Variants in VEGFC observed in about 807,000 individuals in gnomAD.
VEGFC encodes the protein vascular endothelial growth factor C.
VEGFC carries 12 observed loss-of-function variants against 46.1 expected under a neutral mutation model. The ratio of observed to expected loss-of-function variants is 0.26; its 90% CI spans 0.17 to 0.42. The LOEUF (loss-of-function observed/expected upper bound fraction) is 0.42. Ranked by LOEUF, VEGFC falls within the 10% of genes least tolerant of loss-of-function variation. VEGFC has a pLI of 1.00. For missense variants in VEGFC, 488 were observed against 529.4 expected, an observed-to-expected ratio of 0.92 and a Z score of 0.77; for synonymous variants, 232 against 195.5, an observed-to-expected ratio of 1.19 and a Z score of -1.56.
In VEGFC at chr4:176,731,690, A is replaced by G. The variant is rs190190398; in HGVS notation, c.148-1944T>C. On this transcript the variant is annotated intron_variant, in intron 1 of 6. Transcript: ENST00000618562. ...GTTGTGACCTAAACTGATCACATCT[A>G]TTTCCAGAACAGGTCTGCATGTTCA... Among the ~76,000 whole-genome samples the G allele has an allele frequency of 1.6e-4, 24 of 152,042 alleles. No homozygotes were observed. In the East Asian group the frequency reaches 4.5e-3, roughly 28 times the overall value.
intron 1 of VEGFC, among the ~76,000 whole-genome samples, chr4:176,731,368 G>A (rs545000975): frequency 1.3e-5 from 2 of 152,008 alleles, no homozygotes; most frequent in South Asian, 4.1e-4. Flanking sequence ...TGAGGTGATG[G>A]ATATGTTAAC....
intron 4 of VEGFC, among the ~76,000 whole-genome samples, chr4:176,688,811 G>T (rs1300071192): frequency 6.6e-6 from 1 of 152,114 alleles, no homozygotes; most frequent in African/African-American, 2.4e-5. Context: ...CACAAGCTCA[G>T]CTTGCTCATT....
chr4:176,770,628 T>A (rs1293287684), intron 1 of VEGFC, among the ~76,000 whole-genome samples: 3 of 152,122 alleles, frequency 2.0e-5, no homozygotes, highest in African/African-American at 4.8e-5. Flanking sequence ...TATTTTCGAC[T>A]TTGAAATTAT....
chr4:176,719,920 G>A (rs528386939), intron 3 of VEGFC, among the ~76,000 whole-genome samples: 10 of 152,150 alleles, frequency 6.6e-5, no homozygotes, highest in East Asian at 3.9e-4. Flanking sequence ...TCAGCTGGGC[G>A]TGGTGGTGGA....
At chr4:176,769,485 C>G (rs1454715376) in intron 1 of VEGFC, among the ~76,000 whole-genome samples, 2 of 152,076 alleles carry the variant, frequency 1.3e-5, no homozygotes, top group African/African-American at 4.8e-5. Flanking sequence ...TATCTTGGAG[C>G]TATTTGTTAT....
At position 176,716,978 on chromosome 4, in the gene VEGFC, C is replaced by A. The variant is rs1362762145; in HGVS notation, c.553-5328G>T. Among the ~76,000 whole-genome samples, 5 of 152,104 alleles carry A rather than the reference C, an allele frequency of 3.3e-5. No individual in the cohort carries two copies. In the East Asian group the frequency reaches 9.6e-4, roughly 29 times the overall value. On this transcript the variant is annotated intron_variant, in intron 3 of 6. Coordinates refer to ENST00000618562, the MANE Select transcript of VEGFC (RefSeq NM_005429.5). Reference sequence around the variant, plus strand: ...AAATTTATGTATTATTCAGCACTAGCTAATAGCTCCAAGTATGTTTATTTA... The same window carrying A: ...AAATTTATGTATTATTCAGCACTAGATAATAGCTCCAAGTATGTTTATTTA...
chr4:176,756,807 T>C (rs1735440146), intron 1 of VEGFC, among the ~76,000 whole-genome samples: 1 of 152,030 alleles, frequency 6.6e-6, no homozygotes, highest in Admixed American at 6.6e-5. Context: ...GACAATTAGG[T>C]TCTATTGCAA....
rs150370662 is a variant in VEGFC at position 176,751,443 on chromosome 4, C to A, written c.148-21697G>T. 2.1e-3 allele frequency among the ~76,000 whole-genome samples: 315 copies of A among 152,078 alleles called. 1 individual carries two copies. Among genetic ancestry groups the A allele is most frequent in the African/African-American group, 7.1e-3 (297 of 41,542 alleles). ...TAATAGAATGATCAAAGAATTCCTA[C>A]AAACTAAAAAGACCACCATTCTTTT... On this transcript the variant is annotated intron_variant, in intron 1 of 6. Coordinates refer to ENST00000618562, the MANE Select transcript of VEGFC (RefSeq NM_005429.5).
At chr4:176,699,487 CAT>C (rs1264517194) in intron 4 of VEGFC, among the ~76,000 whole-genome samples, 1 of 152,194 alleles carries the variant, frequency 6.6e-6, no homozygotes, top group Non-Finnish European at 1.5e-5. Context: ...TTATGAAGAA[CAT>C]AGATACAGAC....
intron 1 of VEGFC, among the ~76,000 whole-genome samples, chr4:176,731,156 A>C (rs939460578): frequency 5.3e-5 from 8 of 152,064 alleles, no homozygotes; most frequent in African/African-American, 1.9e-4. Flanking sequence ...GAATATGGGA[A>C]GGGTGGAGGT....
At chr4:176,699,781 T>C (rs890820189) in intron 4 of VEGFC, among the ~76,000 whole-genome samples, 1 of 152,236 alleles carries the variant, frequency 6.6e-6, no homozygotes, top group African/African-American at 2.4e-5. Context: ...AGTAACTTCT[T>C]CAGTACTACA....
intron 1 of VEGFC, among the ~76,000 whole-genome samples, chr4:176,744,169 A>T (rs1395682516): frequency 1.3e-5 from 2 of 152,022 alleles, no homozygotes; most frequent in African/African-American, 4.8e-5. Flanking sequence ...CTGGATTCTC[A>T]TTTATATGAA....
chr4:176,706,246 A>G (rs1343066193), intron 4 of VEGFC: 1 of 151,294 alleles, frequency 6.6e-6, no homozygotes, highest in African/African-American at 2.4e-5. Context: ...TATCTTAGTG[A>G]CTCAACGTAT....
At chr4:176,782,824 T>A (rs1735939725) in intron 1 of VEGFC, among the ~76,000 whole-genome samples, 1 of 152,216 alleles carries the variant, frequency 6.6e-6, no homozygotes, top group African/African-American at 2.4e-5. Context: ...AAATTCTGTT[T>A]AAAAATGTGG....
intron 3 of VEGFC, 66 bp downstream of exon 3, chr4:176,727,712 C>A: frequency 1.3e-6 from 2 of 1,492,776 alleles, no homozygotes; most frequent in Non-Finnish European, 1.8e-6. Flanking sequence ...TTAAACACAT[C>A]ATCCCCAAAG....
At position 176,792,587 on chromosome 4, in the gene VEGFC, C is replaced by G; in HGVS notation, c.-276G>C. 3.1e-6 allele frequency: 1 copy of G among 325,092 alleles called. No individual in the cohort carries two copies. Among genetic ancestry groups the G allele is most frequent in the Non-Finnish European group, 5.5e-6 (1 of 180,186 alleles). The allele number at this position is 325,092 out of a possible 1,614,324, so 20.1% of individuals were successfully genotyped here. ...ATCCGAGCTCCCCGCATTCGGAGCC[C>G]GCGAGGTGAAGCGAGGGCGAGGGAG... On this transcript the variant is annotated 5_prime_UTR_variant, in exon 1 of 7. Coordinates refer to ENST00000618562, the MANE Select transcript of VEGFC (RefSeq NM_005429.5). This position sits in a 1 kb window ranked among gnomAD's most constrained non-coding sequence, Gnocchi z 6.3.
At chr4:176,745,302 A>C (rs1735242336) in intron 1 of VEGFC, among the ~76,000 whole-genome samples, 1 of 152,124 alleles carries the variant, frequency 6.6e-6, no homozygotes, top group African/African-American at 2.4e-5. Flanking sequence ...TTTTGTTAAA[A>C]AAATTTTCAA....
chr4:176,704,748 T>C (rs1449060608), intron 4 of VEGFC, among the ~76,000 whole-genome samples: 2 of 152,160 alleles, frequency 1.3e-5, no homozygotes, highest in East Asian at 3.9e-4. Flanking sequence ...ATATATACTT[T>C]TAGTAGTTCT....
At chr4:176,769,386 T>TG (rs1735686224) in intron 1 of VEGFC, among the ~76,000 whole-genome samples, 2 of 152,176 alleles carry the variant, frequency 1.3e-5, no homozygotes, top group Non-Finnish European at 1.5e-5. Context: ...GTGTGTCCTC[T>TG]TGCGGTCTCA....
Sources: gnomAD v4.1 joint callset for allele counts (sites outside exome capture counted in the v4.1 genomes callset) on GRCh38, gnomAD v4.1.1 for gene constraint, Gnocchi (gnomAD v3.1) non-coding constraint, MANE v1.5 for transcripts, NCBI Gene and HGNC (gene_info 2026-07-23, HGNC 2026-07-21) for gene names.